PLXNA1: variants seen among roughly 807,000 people sequenced by gnomAD.
The protein encoded by PLXNA1 is plexin A1.
Under a neutral mutation model 191.7 loss-of-function variants are expected in PLXNA1, and 77 were observed. That is an observed-to-expected ratio of 0.40 (90% CI 0.33 to 0.49). The LOEUF (loss-of-function observed/expected upper bound fraction) is 0.49, where lower values mean the gene tolerates loss of function less well. Among genes scored for constraint, PLXNA1 ranks in the 20% least tolerant of loss-of-function variants. The probability of loss-of-function intolerance (pLI) is 0.63; values close to 1 mark genes in which losing one functional copy is unlikely to be tolerated. For synonymous variants in PLXNA1, 1,137 were observed against 1,156.4 expected (o/e 0.98, Z 0.34); for missense variants, 2,110 against 2,660.2 (o/e 0.79, Z 4.55).
At chr3:126,985,682 A>G (rs968372996) in intron 1 of PLXNA1, among the ~76,000 whole-genome samples, 2 of 152,182 alleles carry the variant, frequency 1.3e-5, no homozygotes, top group East Asian at 3.9e-4. Flanking sequence ...CAGCTTTGGA[A>G]TGAATGCATT....
intron 3 of PLXNA1, among the ~76,000 whole-genome samples, chr3:126,992,387 C>T (rs1417556428): frequency 1.3e-5 from 2 of 152,068 alleles, no homozygotes; most frequent in South Asian, 2.1e-4. Context: ...AGGCTGGTGC[C>T]GATGCAGCTC....
At chr3:127,013,928 T>C (rs368470472) in intron 10 of PLXNA1, 92 bp from the exon 11 acceptor site, 1 of 1,165,380 alleles carries the variant, frequency 8.6e-7, no homozygotes, top group Non-Finnish European at 1.3e-6. Flanking sequence ...AACTTCCCCC[T>C]AAGCTGGCGC....
intron 23 of PLXNA1, 125 bp from the exon 24 acceptor site, chr3:127,027,815 G>T: frequency 1.5e-6 from 2 of 1,306,726 alleles, no homozygotes; most frequent in Non-Finnish European, 2.1e-6. Flanking sequence ...GCCTCCCAAA[G>T]AGTTGGGAAG....
In PLXNA1 at chr3:126,988,515, C is replaced by T. The variant is rs1416796530; in HGVS notation, c.-73-6C>T. The T allele has an allele frequency of 1.6e-6, 2 of 1,272,654 alleles. No individual in the cohort carries two copies. Among genetic ancestry groups the T allele is most frequent in the African/African-American group, 3.0e-5 (2 of 66,418 alleles). 78.8% of individuals were successfully genotyped at this position (1,272,654 alleles called of 1,614,324 possible). On this transcript the variant is annotated splice_polypyrimidine_tract_variant and splice_region_variant and intron_variant, in intron 1 of 31. Transcript: ENST00000393409. The stretch of plus-strand genomic sequence containing the variant: ...ATTCACATGCCCTCTTCTGCCCCTT[C>T]CCCAGGGCTGAAGCTCCTGGCACCA...
At chr3:127,000,906 ACTGGCCATGCCATGGCCTCTC>A (rs1455294143) in intron 3 of PLXNA1, among the ~76,000 whole-genome samples, 3 of 152,282 alleles carry the variant, frequency 2.0e-5, no homozygotes, top group Non-Finnish European at 2.9e-5. Flanking sequence ...CCCCGCTCAC[ACTGGCCATGCCATGGCCTCTC>A]CTGGGGCTCT....
Position 127,012,029 on chromosome 3 carries a change from C to T in PLXNA1, c.2184C>T (p.Ala728=), listed in dbSNP as rs746245300. The change falls in exon 10 of 32, where the codon GCC becomes GCT. Residue 728 remains alanine, a synonymous_variant. Coordinates refer to ENST00000393409, the MANE Select transcript of PLXNA1 (RefSeq NM_032242.4). ...PVGVVKPITL[A]ARNLPQPQSG... is the part of the protein sequence containing the mutation. The stretch of plus-strand genomic sequence containing the variant: ...GAGTGGTAAAACCCATCACCCTGGC[C>T]GCACGGAACCTGCCACAGCCACAGT... The T allele has an allele frequency of 8.7e-6, 14 of 1,613,634 alleles. No homozygotes were observed. The highest frequency in any genetic ancestry group is 6.6e-5 in the South Asian group (6 of 91,080).
At chr3:127,029,673 G>A in intron 27 of PLXNA1, 137 bp downstream of exon 27, 3 of 1,104,060 alleles carry the variant, frequency 2.7e-6, no homozygotes, top group South Asian at 2.8e-5. Flanking sequence ...CGCACTCTTG[G>A]CCTTACCCTC....
chr3:127,020,177 C>A (rs1410560542), intron 20 of PLXNA1, 25 bp from the exon 21 acceptor site: 2 of 1,609,958 alleles, frequency 1.2e-6, no homozygotes, highest in Non-Finnish European at 8.5e-7. Context: ...GGGCATGCTG[C>A]CCCTGACGCC....
At chr3:127,031,967 G>A (rs989174065) in intron 29 of PLXNA1, 2 of 190,612 alleles carry the variant, frequency 1.0e-5, no homozygotes, top group Non-Finnish European at 2.2e-5. Context: ...CTGAGGTGGT[G>A]TTTGGGGCAC....
intron 3 of PLXNA1, among the ~76,000 whole-genome samples, chr3:127,001,370 C>T (rs866823583): frequency 2.6e-5 from 4 of 151,972 alleles, no homozygotes; most frequent in Admixed American, 2.6e-4. Context: ...AGACACCTCT[C>T]AAGTGCTCCC....
chr3:127,011,869 C>T, intron 9 of PLXNA1, 89 bp from the exon 10 acceptor site: 6 of 1,246,440 alleles, frequency 4.8e-6, no homozygotes, highest in Non-Finnish European at 6.9e-6. Context: ...GGGAGCACCA[C>T]AGGCCCAGTG....
intron 23 of PLXNA1, among the ~76,000 whole-genome samples, chr3:127,024,210 G>A (rs1013743655): frequency 3.3e-5 from 5 of 152,182 alleles, no homozygotes; most frequent in Non-Finnish European, 7.4e-5. Context: ...CACACCCACA[G>A]AGACAGGGCT....
chr3:126,984,405 G>T (rs918674958), intron 1 of PLXNA1, among the ~76,000 whole-genome samples: 4 of 152,244 alleles, frequency 2.6e-5, no homozygotes, highest in Non-Finnish European at 5.9e-5. Flanking sequence ...CCGGTTTGGG[G>T]GTCGGTGCAG....
At chr3:127,032,922 C>T in intron 31 of PLXNA1, 86 bp downstream of exon 31, 1 of 1,410,952 alleles carries the variant, frequency 7.1e-7, no homozygotes, top group Non-Finnish European at 9.7e-7. Context: ...CCCTGCCACT[C>T]CTCCCTGAAT....
rs934395439 is a variant in PLXNA1, at chr3:127,017,777, G to A, written c.3545G>A (p.Gly1182Asp). The change falls in exon 19 of 32, where the codon GGC becomes GAC. Residue 1182 changes from glycine (G) to aspartate (D), a missense_variant. Gly to Asp is a moderately conservative substitution (Grantham distance 94). This residue lies in a region of PLXNA1 where 644 missense variants were observed against 714.3 expected (regional missense o/e 0.90). Transcript: ENST00000393409. ...CGGAACCTCTTGCCACCTGCACCCG[G>A]CAACTCCCGACTCAACTACACGGTG... ...KGRNLLPPAP[G>D]NSRLNYTVLI... is the part of the protein sequence containing the mutation. 1 of 1,613,142 alleles carries A rather than the reference G, an allele frequency of 6.2e-7. No homozygotes were observed. The highest frequency in any genetic ancestry group is 8.5e-7 in the Non-Finnish European group (1 of 1,180,002).
At chr3:127,002,670 C>A (rs192508355) in intron 3 of PLXNA1, among the ~76,000 whole-genome samples, 1 of 152,228 alleles carries the variant, frequency 6.6e-6, no homozygotes, top group South Asian at 2.1e-4. Context: ...TGGAAAGCCC[C>A]GTGGGTCTCT....
chr3:127,004,292 C>T (rs755838615), intron 4 of PLXNA1, among the ~76,000 whole-genome samples: 3 of 152,198 alleles, frequency 2.0e-5, no homozygotes, highest in Non-Finnish European at 2.9e-5. Context: ...GCCCATTGAT[C>T]GCTGGGGAAG....
intron 21 of PLXNA1, among the ~76,000 whole-genome samples, 164 bp from the exon 22 acceptor site, chr3:127,021,921 G>A (rs970445061): frequency 3.9e-5 from 6 of 152,224 alleles, no homozygotes; most frequent in African/African-American, 1.2e-4. Flanking sequence ...GCTTGGGAAT[G>A]ACCCGCCGAG....
At position 127,034,167 on chromosome 3, in the gene PLXNA1, G is replaced by A. The variant is rs561628277; in HGVS notation, c.*150G>A. The A allele has an allele frequency of 2.8e-5, 19 of 669,232 alleles. No homozygotes were observed. The highest frequency in any genetic ancestry group is 1.6e-4 in the South Asian group (8 of 49,280). 41.5% of individuals were successfully genotyped at this position (669,232 alleles called of 1,614,324 possible). ...CGGCCCTCCCTCCCCTGCCTCACCCGGTCGGGTCCCGGCTCTTCCTGTGTG... is the reference window on the plus strand; with the variant it reads ...CGGCCCTCCCTCCCCTGCCTCACCCAGTCGGGTCCCGGCTCTTCCTGTGTG... On this transcript the variant is annotated 3_prime_UTR_variant, in exon 32 of 32. Coordinates refer to ENST00000393409, the MANE Select transcript of PLXNA1 (RefSeq NM_032242.4).
Sources: gnomAD v4.1 joint callset for allele counts (sites outside exome capture counted in the v4.1 genomes callset) on GRCh38, gnomAD v4.1.1 for gene constraint, gnomAD v4.1.1 regional missense constraint, MANE v1.5 for transcripts, NCBI Gene and HGNC (gene_info 2026-07-23, HGNC 2026-07-21) for gene names.